LSAMP: variants seen among roughly 807,000 people sequenced by gnomAD.
LSAMP encodes limbic system associated membrane protein, also known as limbic system-associated membrane protein.
A neutral mutation model predicts 38.6 loss-of-function variants in LSAMP; 7 were observed. That is an observed-to-expected ratio of 0.18 (90% CI 0.10 to 0.34). The LOEUF is 0.34. Among genes scored for constraint, LSAMP ranks in the 10% least tolerant of loss-of-function variants. The pLI is 1.00. For synonymous variants in LSAMP, 154 were observed against 166.8 expected (o/e 0.92, Z 0.59); for missense variants, 313 against 420.0 (o/e 0.75, Z 2.23).
intron 1 of LSAMP, among the ~76,000 whole-genome samples, chr3:116,422,757 A>G (rs1202560546): frequency 1.3e-5 from 2 of 152,220 alleles, no homozygotes; most frequent in Non-Finnish European, 2.9e-5. Flanking sequence ...GTACCTCATT[A>G]AAACTGCTAA....
At position 115,933,242 on chromosome 3, in the gene LSAMP, C is replaced by T. The variant is rs564506505; in HGVS notation, c.515-80625G>A. 1.5e-4 allele frequency among the ~76,000 whole-genome samples: 23 copies of T among 152,198 alleles called. No homozygotes were observed. The East Asian group carries it at 3.1e-3, about 20-fold the overall frequency. ...GGAGACCAGCAAAGCATTAGAAAAACGTTACTCTACAGTGGTGATTTTGAA... is the reference window on the plus strand; with the variant it reads ...GGAGACCAGCAAAGCATTAGAAAAATGTTACTCTACAGTGGTGATTTTGAA... On this transcript the variant is annotated intron_variant, in intron 3 of 6. Coordinates refer to ENST00000490035, the MANE Select transcript of LSAMP (RefSeq NM_002338.5).
intron 1 of LSAMP, among the ~76,000 whole-genome samples, chr3:116,154,232 T>C (rs941735413): frequency 6.6e-6 from 1 of 152,172 alleles, no homozygotes; most frequent in Non-Finnish European, 1.5e-5. Context: ...CAAATATCTA[T>C]TGGCCTGTCT....
chr3:115,843,689 T>A (rs1935070018), intron 4 of LSAMP, among the ~76,000 whole-genome samples: 1 of 149,678 alleles, frequency 6.7e-6, no homozygotes. Flanking sequence ...GTTTCTGATA[T>A]TTTTTTTTTG....
chr3:115,966,111 A>G (rs920847254), intron 3 of LSAMP, among the ~76,000 whole-genome samples: 22 of 152,200 alleles, frequency 1.4e-4, no homozygotes, highest in Middle Eastern at 3.2e-3. Flanking sequence ...GACCAATAGG[A>G]TGAAAATAAA....
chr3:116,421,900 A>G (rs2049133557), intron 1 of LSAMP, among the ~76,000 whole-genome samples: 1 of 152,218 alleles, frequency 6.6e-6, no homozygotes, highest in Non-Finnish European at 1.5e-5. Context: ...AAGATTTACC[A>G]TATAATCCAG....
intron 1 of LSAMP, among the ~76,000 whole-genome samples, chr3:116,187,965 G>C (rs1056556741): frequency 5.9e-5 from 9 of 151,712 alleles, no homozygotes; most frequent in African/African-American, 2.2e-4. Flanking sequence ...CCTCCAATAG[G>C]CCCCAGGATG....
rs148696664 is a variant in LSAMP at position 116,402,543 on chromosome 3, A to C, written c.155+42334T>G. Among the ~76,000 whole-genome samples, 1,358 of 152,296 alleles carry C rather than the reference A, an allele frequency of 8.9e-3. 22 individuals are homozygous for C. The highest frequency in any genetic ancestry group is 0.031 in the African/African-American group (1,289 of 41,546). On this transcript the variant is annotated intron_variant, in intron 1 of 6. Coordinates refer to ENST00000490035, the MANE Select transcript of LSAMP (RefSeq NM_002338.5). The stretch of plus-strand genomic sequence containing the variant: ...AATTGCTTATATAAATACAGACATA[A>C]TTATAACCCTAAAAAGTATGCTAAT...
intron 1 of LSAMP, among the ~76,000 whole-genome samples, chr3:116,290,702 C>T (rs979935600): frequency 1.3e-5 from 2 of 150,376 alleles, no homozygotes; most frequent in Non-Finnish European, 3.0e-5. Context: ...TTCACTCCAG[C>T]CTGGGTGACA....
At chr3:116,159,657 T>C (rs991800164) in intron 1 of LSAMP, among the ~76,000 whole-genome samples, 1 of 152,150 alleles carries the variant, frequency 6.6e-6, no homozygotes, top group South Asian at 2.1e-4. Flanking sequence ...GGTGGGAGTA[T>C]AAATTAATTC....
intron 2 of LSAMP, among the ~76,000 whole-genome samples, chr3:116,079,810 A>G (rs1280149309): frequency 2.6e-5 from 4 of 151,992 alleles, no homozygotes; most frequent in Non-Finnish European, 5.9e-5. Flanking sequence ...AATAGAAATA[A>G]CTATATATTA....
In LSAMP at chr3:115,805,105, A is replaced by T. The variant is rs1025388276; in HGVS notation, c.*5212T>A. On this transcript the variant is annotated 3_prime_UTR_variant, in exon 7 of 7. Transcript: ENST00000490035. ...ACATCTTAGATGGTGAGAAAGGAGT[A>T]AAAAGAAGATAGCTGGGAGTGGATA... 4 of 152,334 alleles carry T rather than the reference A, an allele frequency of 2.6e-5. No homozygotes were observed. The highest frequency in any genetic ancestry group is 2.6e-4 in the Admixed American group (4 of 15,292). The allele number at this position is 152,334 out of a possible 1,614,324, so 9.4% of individuals were successfully genotyped here.
intron 1 of LSAMP, among the ~76,000 whole-genome samples, chr3:116,233,015 T>C (rs2046422576): frequency 6.6e-6 from 1 of 152,178 alleles, no homozygotes; most frequent in South Asian, 2.1e-4. Flanking sequence ...TTTTGTGGTA[T>C]TGACTAAGCT....
chr3:116,108,443 A>T (rs1039472225), intron 1 of LSAMP, among the ~76,000 whole-genome samples: 4 of 152,166 alleles, frequency 2.6e-5, no homozygotes, highest in African/African-American at 7.2e-5. Flanking sequence ...CAGGCCCTTG[A>T]CAAGAAGGTA....
chr3:116,143,264 AT>A (rs545121886), intron 1 of LSAMP, among the ~76,000 whole-genome samples: 4 of 151,686 alleles, frequency 2.6e-5, no homozygotes, highest in East Asian at 3.9e-4. Flanking sequence ...CAGTTTTGCC[AT>A]TTTTTTCTAA....
chr3:116,266,125 A>G (rs751968595), intron 1 of LSAMP, among the ~76,000 whole-genome samples: 2 of 151,956 alleles, frequency 1.3e-5, no homozygotes, highest in Non-Finnish European at 2.9e-5. Flanking sequence ...AAGCATTAAC[A>G]CCCCTTTCTG....
At chr3:116,317,979 T>C (rs1292510112) in intron 1 of LSAMP, among the ~76,000 whole-genome samples, 1 of 150,708 alleles carries the variant, frequency 6.6e-6, no homozygotes, top group Non-Finnish European at 1.5e-5. Flanking sequence ...CTACTAAAAG[T>C]AGAAAAATTA....
chr3:116,400,981 A>C (rs2048833698), intron 1 of LSAMP, among the ~76,000 whole-genome samples: 4 of 152,184 alleles, frequency 2.6e-5, no homozygotes, highest in African/African-American at 9.7e-5. Flanking sequence ...CTCTCTTTCA[A>C]AAGAATCATG....
intron 1 of LSAMP, among the ~76,000 whole-genome samples, chr3:116,239,494 G>A (rs1288479117): frequency 2.0e-5 from 3 of 152,126 alleles, no homozygotes; most frequent in Non-Finnish European, 4.4e-5. Context: ...GTGTTTGTAA[G>A]ACAAAACAAG....
intron 1 of LSAMP, among the ~76,000 whole-genome samples, chr3:116,388,746 G>A (rs1454801221): frequency 6.6e-6 from 1 of 152,114 alleles, no homozygotes; most frequent in Non-Finnish European, 1.5e-5. Flanking sequence ...AAAGTAATCT[G>A]GCAAAATATA....
Sources: allele counts gnomAD v4.1 joint callset (sites outside exome capture counted in the v4.1 genomes callset), GRCh38; gene constraint gnomAD v4.1.1; transcripts MANE v1.5; gene names NCBI Gene and HGNC (gene_info 2026-07-23, HGNC 2026-07-21).